Variants in SMURF1 observed in about 807,000 individuals in gnomAD.
SMURF1 encodes E3 ubiquitin-protein ligase SMURF1.
SMURF1 carries 44 observed loss-of-function variants against 98.0 expected under a neutral mutation model. That is an observed-to-expected ratio of 0.45 (90% CI 0.35 to 0.58). The LOEUF is 0.58. Ranked by LOEUF, SMURF1 falls within the 20% of genes least tolerant of loss-of-function variation. The pLI, the probability that SMURF1 is intolerant of heterozygous loss-of-function variation, is 0.00. For missense variants in SMURF1, 687 were observed against 938.4 expected (o/e 0.73, Z 3.50); for synonymous variants, 396 against 374.9 (o/e 1.06, Z -0.65).
chr7:99,114,444 A>C (rs1797395757), intron 1 of SMURF1, among the ~76,000 whole-genome samples: 1 of 152,210 alleles, frequency 6.6e-6, no homozygotes, highest in African/African-American at 2.4e-5. Context: ...TAAAAGAGTC[A>C]AACCATCAAG....
At chr7:99,128,877 C>T (rs1379818735) in intron 1 of SMURF1, among the ~76,000 whole-genome samples, 6 of 152,090 alleles carry the variant, frequency 3.9e-5, no homozygotes, top group East Asian at 3.8e-4. Flanking sequence ...AGTAAATAAC[C>T]GAAGTTGCCA....
chr7:99,062,412 A>G (rs750576574), intron 1 of SMURF1, among the ~76,000 whole-genome samples: 19 of 152,204 alleles, frequency 1.2e-4, no homozygotes, highest in Non-Finnish European at 2.1e-4. Context: ...AAGCTATGCA[A>G]TTTTTTATTC....
chr7:99,060,567 T>A (rs1796009827), intron 3 of SMURF1, 32 bp downstream of exon 3: 6 of 1,509,566 alleles, frequency 4.0e-6, no homozygotes, highest in Non-Finnish European at 5.5e-6. Flanking sequence ...TTCCTGCCGC[T>A]CCGCATGGGG....
chr7:99,077,542 C>G (rs1796493281), intron 1 of SMURF1, among the ~76,000 whole-genome samples: 1 of 151,860 alleles, frequency 6.6e-6, no homozygotes, highest in South Asian at 2.1e-4. Context: ...ACATGTTGGC[C>G]AGGATGTTCT....
At chr7:99,063,292 T>G (rs1233200986) in intron 1 of SMURF1, among the ~76,000 whole-genome samples, 4 of 22,052 alleles carry the variant, frequency 1.8e-4, no homozygotes, top group African/African-American at 5.2e-4. Context: ...TATATATATA[T>G]ATATATATAT....
At chr7:99,142,195 A>G (rs1775911922) in intron 1 of SMURF1, among the ~76,000 whole-genome samples, 1 of 152,184 alleles carries the variant, frequency 6.6e-6, no homozygotes, top group Non-Finnish European at 1.5e-5. Context: ...AGGTGGCACT[A>G]CAGAGCCACC....
intron 1 of SMURF1, among the ~76,000 whole-genome samples, chr7:99,115,358 T>A (rs906170464): frequency 6.6e-6 from 1 of 152,124 alleles, no homozygotes; most frequent in African/African-American, 2.4e-5. Context: ...TTTGCGAGGC[T>A]GAAGCGAGTG....
rs754008509 is a variant in SMURF1 at position 99,049,785 on chromosome 7, C to T, written c.807-76G>A. 8 of 1,424,006 alleles carry T rather than the reference C, an allele frequency of 5.6e-6. No homozygotes were observed. In the East Asian group the frequency reaches 1.6e-4, roughly 28 times the overall value. 88.2% of individuals were successfully genotyped at this position (1,424,006 alleles called of 1,614,324 possible). On this transcript the variant is annotated intron_variant, in intron 8 of 17. Coordinates refer to ENST00000361368, the MANE Select transcript of SMURF1 (RefSeq NM_181349.3). Reference sequence around the variant, plus strand: ...TGAGACCAAAAGTCAGCAACAGAAGCCACAGAGGTTCCTTATCAAGGTGTC... The same window carrying T: ...TGAGACCAAAAGTCAGCAACAGAAGTCACAGAGGTTCCTTATCAAGGTGTC...
intron 1 of SMURF1, chr7:99,080,964 C>T (rs1468182359): frequency 1.3e-5 from 2 of 152,170 alleles, no homozygotes; most frequent in East Asian, 3.9e-4. Flanking sequence ...TCAGTGAAGC[C>T]CGAAGCCACC....
chr7:99,118,699 C>G (rs9641250), intron 1 of SMURF1, among the ~76,000 whole-genome samples: 1 of 152,072 alleles, frequency 6.6e-6, no homozygotes, highest in Non-Finnish European at 1.5e-5. Context: ...TGAAAATGTT[C>G]TAGAGTTAGA....
chr7:99,088,902 TA>T (rs1186116891), intron 1 of SMURF1, among the ~76,000 whole-genome samples: 1 of 151,598 alleles, frequency 6.6e-6, no homozygotes, highest in Non-Finnish European at 1.5e-5. Context: ...CTATCTCTAC[TA>T]AAAACACACA....
chr7:99,063,387 G>T (rs1796113221), intron 1 of SMURF1, among the ~76,000 whole-genome samples: 1 of 145,748 alleles, frequency 6.9e-6, no homozygotes, highest in African/African-American at 2.6e-5. Context: ...CAAACCCTTG[G>T]GCTCTAGGGA....
intron 1 of SMURF1, among the ~76,000 whole-genome samples, chr7:99,082,987 T>C (rs543566826): frequency 6.6e-6 from 1 of 152,208 alleles, no homozygotes; most frequent in Non-Finnish European, 1.5e-5. Flanking sequence ...TTTATACTAT[T>C]TTAAAATAGA....
At chr7:99,056,482 T>G (rs1370105540) in intron 5 of SMURF1, among the ~76,000 whole-genome samples, 1 of 152,204 alleles carries the variant, frequency 6.6e-6, no homozygotes, top group African/African-American at 2.4e-5. Context: ...ACTGTACAAA[T>G]CATATTACAT....
intron 1 of SMURF1, among the ~76,000 whole-genome samples, chr7:99,136,095 C>G (rs1797987456): frequency 1.3e-5 from 2 of 152,330 alleles, no homozygotes; most frequent in East Asian, 3.9e-4. Flanking sequence ...ACTCAGGAAG[C>G]TGATGATCGC....
chr7:99,034,810 G>A (rs122152), intron 16 of SMURF1, among the ~76,000 whole-genome samples: 22,952 of 152,144 alleles, frequency 0.15, 5,419 homozygotes, highest in African/African-American at 0.51. Flanking sequence ...GGCCAAAGCC[G>A]ACTGAAATGG....
In SMURF1 at chr7:99,035,597, G is replaced by A. The variant is rs746940837; in HGVS notation, c.1929C>T (p.Phe643=). ...VRWFWQAVET[F]DEERRARLLQ... is the part of the protein sequence containing the mutation. ...GGAGCCTGGCCCTCCTTTCTTCATC[G>A]AACGTCTCCACCGCTTGCCAGAACC... Residue 643 remains phenylalanine (F), a synonymous_variant, in exon 16 of 18, where the codon TTC becomes TTT. Transcript: ENST00000361368. The A allele has an allele frequency of 8.1e-6, 13 of 1,614,044 alleles. No individual in the cohort carries two copies. Among genetic ancestry groups the A allele is most frequent in the South Asian group, 7.7e-5 (7 of 91,078 alleles).
At chr7:99,076,162 AC>A (rs1796453333) in intron 1 of SMURF1, among the ~76,000 whole-genome samples, 1 of 152,150 alleles carries the variant, frequency 6.6e-6, no homozygotes, top group South Asian at 2.1e-4. Context: ...GCCACAGCCT[AC>A]CGAAGTGCTG....
At chr7:99,063,116 T>C (rs1796074443) in intron 1 of SMURF1, among the ~76,000 whole-genome samples, 1 of 146,314 alleles carries the variant, frequency 6.8e-6, no homozygotes, top group Non-Finnish European at 1.5e-5. Context: ...ATAATAGATA[T>C]TGTTCTGCCA....
Sources: allele counts gnomAD v4.1 joint callset (sites outside exome capture counted in the v4.1 genomes callset), GRCh38; gene constraint gnomAD v4.1.1; transcripts MANE v1.5; gene names NCBI Gene and HGNC (gene_info 2026-07-23, HGNC 2026-07-21).